FRMD4B: variants seen among roughly 807,000 people sequenced by gnomAD.
FRMD4B encodes FERM domain containing 4B.
In FRMD4B, 74 loss-of-function variants were observed where a neutral mutation model predicts 141.5. The ratio of observed to expected loss-of-function variants is 0.52; its 90% CI spans 0.43 to 0.63. The LOEUF is 0.63. FRMD4B is among the 30% of genes least tolerant of loss of function. FRMD4B has a pLI of 0.00. For missense variants in FRMD4B, 1,366 were observed against 1,253.4 expected (o/e 1.09, Z -1.36); for synonymous variants, 506 against 467.9 (o/e 1.08, Z -1.05).
At chr3:69,321,741 G>T (rs1702005760) in intron 1 of FRMD4B, among the ~76,000 whole-genome samples, 1 of 151,382 alleles carries the variant, frequency 6.6e-6, no homozygotes, top group South Asian at 2.1e-4. Flanking sequence ...TCTACACAGG[G>T]TCTCACTCTG....
intron 2 of FRMD4B, among the ~76,000 whole-genome samples, chr3:69,425,010 C>T (rs956830654): frequency 9.9e-5 from 15 of 152,198 alleles, no homozygotes; most frequent in African/African-American, 3.6e-4. Context: ...TACTTTACCT[C>T]TGCTTACTTC....
chr3:69,345,722 C>G (rs1318114705), intron 1 of FRMD4B, among the ~76,000 whole-genome samples: 1 of 152,192 alleles, frequency 6.6e-6, no homozygotes, highest in African/African-American at 2.4e-5. Flanking sequence ...AGGCAAACAG[C>G]ATCTGGAGTG....
At chr3:69,192,785 G>C (rs1365569052) in intron 17 of FRMD4B, among the ~76,000 whole-genome samples, 1 of 151,614 alleles carries the variant, frequency 6.6e-6, no homozygotes, top group Non-Finnish European at 1.5e-5. Flanking sequence ...GTTATATCAT[G>C]ACCATTTGCC....
Position 69,472,938 on chromosome 3 carries a change from C to CTT in FRMD4B, c.-128-40179_-128-40178dup, listed in dbSNP as rs71618285. On this transcript the variant is annotated intron_variant, in intron 1 of 5. Transcript: ENST00000459638. The stretch of plus-strand genomic sequence containing the variant: ...AAGTGAGTCTTTCTTTTTTTTTTTT[C>CTT]TTTTTTTTTTTTTTTGGCTTAGGGG... Among the ~76,000 whole-genome samples, 504 of 108,252 alleles carry CTT rather than the reference C, an allele frequency of 4.7e-3. 6 individuals carry two copies. Among genetic ancestry groups the CTT allele is most frequent in the East Asian group, 0.025 (96 of 3,768 alleles). The allele number at this position is 108,252 out of a possible 152,430, so 71.0% of individuals were successfully genotyped here. A position where few individuals can be genotyped will look rare whatever the true frequency, so the allele number is the denominator to read the frequency against.
At chr3:69,245,684 G>C (rs1212060623) in intron 7 of FRMD4B, among the ~76,000 whole-genome samples, 1 of 120,938 alleles carries the variant, frequency 8.3e-6, no homozygotes, top group South Asian at 2.6e-4. Context: ...TTTTTTTTGT[G>C]ACAGAGTCCC....
chr3:69,356,927 T>C (rs1249058406), intron 1 of FRMD4B, among the ~76,000 whole-genome samples: 1 of 152,218 alleles, frequency 6.6e-6, no homozygotes, highest in Non-Finnish European at 1.5e-5. Flanking sequence ...TTTCCGTTTC[T>C]GCTCAAGCTG....
intron 1 of FRMD4B, among the ~76,000 whole-genome samples, chr3:69,445,762 T>C (rs932621749): frequency 6.6e-6 from 1 of 152,150 alleles, no homozygotes; most frequent in Admixed American, 6.5e-5. Context: ...TAATTCGAAT[T>C]CAACTCGCAT....
intron 1 of FRMD4B, among the ~76,000 whole-genome samples, chr3:69,369,100 T>G (rs1703752685): frequency 6.6e-6 from 1 of 152,234 alleles, no homozygotes; most frequent in African/African-American, 2.4e-5. Context: ...CACTGATGAT[T>G]TCAGAGTCAT....
rs542454150 is a variant in FRMD4B at position 69,291,365 on chromosome 3, C to T, written c.417-3529G>A. 3.3e-5 allele frequency among the ~76,000 whole-genome samples: 5 copies of T among 152,272 alleles called. No homozygotes were observed. In the South Asian group the frequency reaches 1.0e-3, roughly 32 times the overall value. On this transcript the variant is annotated intron_variant, in intron 4 of 22. Transcript: ENST00000398540. ...TTCTTAATATTATTTAAAATTTAGTCTTCACTTGTATTTTCCCATTGCCTC... is the reference window on the plus strand; with the variant it reads ...TTCTTAATATTATTTAAAATTTAGTTTTCACTTGTATTTTCCCATTGCCTC...
At chr3:69,500,807 C>A (rs1706482554) in intron 1 of FRMD4B, among the ~76,000 whole-genome samples, 1 of 151,946 alleles carries the variant, frequency 6.6e-6, no homozygotes, top group African/African-American at 2.4e-5. Context: ...CTGTCATCTC[C>A]CACAGGGGAG....
chr3:69,525,864 G>T lies in FRMD4B; in HGVS notation c.-129+16342C>A, dbSNP rs530656094. ...TGTAGAGATGGGGTTTTGCCATGTT[G>T]CCCAGGCTAGTGTCAAACTTCTGGG... On this transcript the variant is annotated intron_variant, in intron 1 of 5. Transcript: ENST00000459638. 1.1e-4 allele frequency among the ~76,000 whole-genome samples: 17 copies of T among 150,230 alleles called. No individual in the cohort carries two copies. The East Asian group carries it at 3.3e-3, about 29-fold the overall frequency.
Position 69,536,761 on chromosome 3 carries a change from T to C in FRMD4B, c.-129+5445A>G, listed in dbSNP as rs79689318. ...AGTTTAATTTTTTTAATTTTTTATT[T>C]TTTGAGACAGAGTCTTGCTCTGTCG... On this transcript the variant is annotated intron_variant, in intron 1 of 5. Coordinates refer to the FRMD4B transcript ENST00000459638. 2,745 of 520,012 alleles carry C rather than the reference T, an allele frequency of 5.3e-3. 82 individuals are homozygous for C. Among genetic ancestry groups the C allele is most frequent in the African/African-American group, 0.049 (2,504 of 51,420 alleles). 32.2% of individuals were successfully genotyped at this position (520,012 alleles called of 1,614,324 possible).
intron 1 of FRMD4B, among the ~76,000 whole-genome samples, chr3:69,508,456 C>T (rs182451903): frequency 2.5e-4 from 38 of 152,236 alleles, no homozygotes; most frequent in Admixed American, 1.6e-3. Flanking sequence ...TGGCTTCCAA[C>T]GTGGTTGCTC....
chr3:69,520,173 G>C lies in FRMD4B; in HGVS notation c.-129+22033C>G, dbSNP rs1218422332. 2.6e-5 allele frequency among the ~76,000 whole-genome samples: 3 copies of C among 114,826 alleles called. 1 individual carries two copies. Among genetic ancestry groups the C allele is most frequent in the Non-Finnish European group, 3.3e-5 (2 of 60,240 alleles). 75.3% of individuals were successfully genotyped at this position (114,826 alleles called of 152,430 possible). A position where few individuals can be genotyped will look rare whatever the true frequency, so the allele number is the denominator to read the frequency against. ...TATGATGGAATATATATATATGATG[G>C]AATATATATATGATGGAATATATAT... On this transcript the variant is annotated intron_variant, in intron 1 of 5. Coordinates refer to the FRMD4B transcript ENST00000459638.
intron 4 of FRMD4B, among the ~76,000 whole-genome samples, chr3:69,296,989 T>C (rs1228259904): frequency 6.6e-6 from 1 of 152,208 alleles, no homozygotes; most frequent in Admixed American, 6.5e-5. Context: ...TGTAAAATAT[T>C]TTACAAAGAG....
At chr3:69,251,292 G>A (rs1375956233) in intron 5 of FRMD4B, among the ~76,000 whole-genome samples, 1 of 152,072 alleles carries the variant, frequency 6.6e-6, no homozygotes, top group African/African-American at 2.4e-5. Flanking sequence ...ATCTGAGCTG[G>A]AGTGTTTCCT....
intron 1 of FRMD4B, among the ~76,000 whole-genome samples, chr3:69,467,357 T>C (rs575142634): frequency 3.3e-5 from 5 of 152,332 alleles, no homozygotes; most frequent in Admixed American, 6.5e-5. Context: ...TCCATCTGCC[T>C]CTTAAAATCC....
At chr3:69,275,705 A>G (rs868577276) in intron 5 of FRMD4B, among the ~76,000 whole-genome samples, 41 of 152,230 alleles carry the variant, frequency 2.7e-4, no homozygotes, top group African/African-American at 9.4e-4. Context: ...TGCCAGGATT[A>G]CAGGTGTCAT....
intron 1 of FRMD4B, among the ~76,000 whole-genome samples, chr3:69,337,631 C>G (rs1045272609): frequency 1.7e-4 from 26 of 152,220 alleles, no homozygotes; most frequent in South Asian, 1.7e-3. Flanking sequence ...ACAACCCCAT[C>G]AAAAAGTGGG....
Sources: allele counts gnomAD v4.1 joint callset (sites outside exome capture counted in the v4.1 genomes callset), GRCh38; gene constraint gnomAD v4.1.1; transcripts MANE v1.5; gene names NCBI Gene and HGNC (gene_info 2026-07-23, HGNC 2026-07-21).